Variants in PDE10A observed in about 807,000 individuals in gnomAD.
PDE10A encodes the protein cAMP and cAMP-inhibited cGMP 3',5'-cyclic phosphodiesterase 10A.
A neutral mutation model predicts 97.7 loss-of-function variants in PDE10A; 39 were observed. The ratio of observed to expected loss-of-function variants is 0.40; its 90% CI spans 0.31 to 0.52. The LOEUF is 0.52. Ranked by LOEUF, PDE10A falls within the 20% of genes least tolerant of loss-of-function variation. PDE10A has a pLI of 0.56. For missense variants in PDE10A, 731 were observed against 1,047.8 expected, an observed-to-expected ratio of 0.70 and a Z score of 4.17; for synonymous variants, 371 against 376.8, an observed-to-expected ratio of 0.98 and a Z score of 0.18.
chr6:165,674,755 T>G (rs190727577), intron 1 of PDE10A, among the ~76,000 whole-genome samples: 46 of 152,308 alleles, frequency 3.0e-4, no homozygotes, highest in Admixed American at 5.9e-4. Context: ...GGAGGCAGAA[T>G]GTGTACATAG....
chr6:165,661,868 C>A lies in PDE10A; in HGVS notation c.865+79G>T. On this transcript the variant is annotated intron_variant, in intron 1 of 21. Transcript: ENST00000539869. This position sits in a 1 kb window ranked among gnomAD's most constrained non-coding sequence, Gnocchi z 4.8. Reference sequence around the variant, plus strand: ...CCTCGCTCGACACCCGCTTCCCACCCAGCAGTCCAAGCCCCCCACCTGCCC... The same window carrying A: ...CCTCGCTCGACACCCGCTTCCCACCAAGCAGTCCAAGCCCCCCACCTGCCC... 1.4e-6 allele frequency: 1 copy of A among 694,918 alleles called. No individual in the cohort carries two copies. The highest frequency in any genetic ancestry group is 3.2e-5 in the East Asian group (1 of 30,860). The allele number at this position is 694,918 out of a possible 1,614,324, so 43.0% of individuals were successfully genotyped here. A position where few individuals can be genotyped will look rare whatever the true frequency, so the allele number is the denominator to read the frequency against.
intron 1 of PDE10A, among the ~76,000 whole-genome samples, chr6:165,907,953 C>T (rs1047264541): frequency 6.6e-6 from 1 of 152,210 alleles, no homozygotes; most frequent in South Asian, 2.1e-4. Flanking sequence ...AACTACACCT[C>T]GAGCCTTAGG....
At chr6:165,905,402 A>C (rs1295926887) in intron 1 of PDE10A, among the ~76,000 whole-genome samples, 1 of 152,138 alleles carries the variant, frequency 6.6e-6, no homozygotes, top group African/African-American at 2.4e-5. Flanking sequence ...GACCCTTAAA[A>C]ATCTCGATCT....
At chr6:165,987,449 G>A in intron 1 of PDE10A, 2 of 332,880 alleles carry the variant, frequency 6.0e-6, no homozygotes, top group East Asian at 8.2e-5. Context: ...TTAAGTACAC[G>A]CACACACACA....
upstream of PDE10A, among the ~76,000 whole-genome samples, chr6:165,665,693 A>AG (rs1183673702): frequency 6.6e-6 from 1 of 151,942 alleles, no homozygotes; most frequent in Non-Finnish European, 1.5e-5. Flanking sequence ...CACGTTGCAA[A>AG]GAAAAAAAAA....
intron 1 of PDE10A, among the ~76,000 whole-genome samples, chr6:165,558,041 C>T (rs1401046825): frequency 1.3e-5 from 2 of 152,084 alleles, no homozygotes; most frequent in South Asian, 2.1e-4. Flanking sequence ...ACCTATGGAG[C>T]GTGGCAATGC....
chr6:165,446,933 C>CTTTTGAAAGGATTTAGTA (rs1471749674), intron 5 of PDE10A, among the ~76,000 whole-genome samples: 2 of 151,856 alleles, frequency 1.3e-5, no homozygotes, highest in Non-Finnish European at 2.9e-5. Flanking sequence ...GGATATTGTA[C>CTTTTGAAAGGATTTAGTA]CAGTCCTTTA....
chr6:165,721,138 A>T (rs1041443701), intron 1 of PDE10A, among the ~76,000 whole-genome samples: 1 of 152,238 alleles, frequency 6.6e-6, no homozygotes, highest in Non-Finnish European at 1.5e-5. Context: ...CGGTTGTGGT[A>T]TTCAAAAGAT....
chr6:165,688,644 C>G (rs1330567328), intron 1 of PDE10A, among the ~76,000 whole-genome samples: 2 of 152,110 alleles, frequency 1.3e-5, no homozygotes, highest in Admixed American at 6.6e-5. Flanking sequence ...AGAAAGATCT[C>G]CAGGACACAT....
chr6:165,796,090 TC>T, intron 1 of PDE10A, among the ~76,000 whole-genome samples: 2 of 130,116 alleles, frequency 1.5e-5, no homozygotes, highest in African/African-American at 6.0e-5. Flanking sequence ...TTTTTTCTTT[TC>T]TTTTTTTTTT....
intron 1 of PDE10A, among the ~76,000 whole-genome samples, chr6:165,975,146 C>T (rs761094755): frequency 2.6e-5 from 4 of 152,208 alleles, no homozygotes; most frequent in Non-Finnish European, 5.9e-5. Context: ...GCTGATAAAC[C>T]GCCTTTCACT....
chr6:165,784,222 C>CA (rs796915265), intron 1 of PDE10A, among the ~76,000 whole-genome samples: 3,595 of 116,530 alleles, frequency 0.031, 72 homozygotes, highest in African/African-American at 0.061. Context: ...GACTCCATCT[C>CA]AAAAAAAAAA....
At chr6:165,409,497 A>G (rs1039737976) in intron 13 of PDE10A, 4 of 153,034 alleles carry the variant, frequency 2.6e-5, no homozygotes, top group Non-Finnish European at 5.8e-5. Flanking sequence ...CAGTGAGCCA[A>G]GATCACGTAA....
chr6:165,596,539 G>A (rs1786606171), intron 1 of PDE10A, among the ~76,000 whole-genome samples: 1 of 152,096 alleles, frequency 6.6e-6, no homozygotes, highest in South Asian at 2.1e-4. Flanking sequence ...GACCATGCTG[G>A]GCAACATAGC....
chr6:165,585,013 T>G (rs1785826084), intron 1 of PDE10A, among the ~76,000 whole-genome samples: 2 of 152,226 alleles, frequency 1.3e-5, no homozygotes, highest in East Asian at 3.8e-4. Context: ...TATACACATT[T>G]TTAAGCAAGA....
At chr6:165,691,111 C>CCA (rs1791272186) in intron 1 of PDE10A, among the ~76,000 whole-genome samples, 1 of 107,650 alleles carries the variant, frequency 9.3e-6, no homozygotes, top group Non-Finnish European at 2.0e-5. Context: ...CTCTCTCCCC[C>CCA]CCCCCATCAG....
At chr6:165,579,818 G>T (rs916338502) in intron 1 of PDE10A, among the ~76,000 whole-genome samples, 1 of 152,060 alleles carries the variant, frequency 6.6e-6, no homozygotes, top group Non-Finnish European at 1.5e-5. Flanking sequence ...CCACATCCTG[G>T]CCTTTTCCCT....
At chr6:165,982,702 A>G (rs1176162507) in intron 1 of PDE10A, among the ~76,000 whole-genome samples, 1 of 152,210 alleles carries the variant, frequency 6.6e-6, no homozygotes, top group Non-Finnish European at 1.5e-5. Flanking sequence ...GAAGAGAATG[A>G]AAAAAATTTT....
intron 1 of PDE10A, among the ~76,000 whole-genome samples, chr6:165,902,622 T>C (rs1329259185): frequency 6.6e-6 from 1 of 151,138 alleles, no homozygotes; most frequent in Non-Finnish European, 1.5e-5. Context: ...TGTGAGCCCA[T>C]CTAGAGAAGG....
Sources: allele counts gnomAD v4.1 joint callset (sites outside exome capture counted in the v4.1 genomes callset), GRCh38; gene constraint gnomAD v4.1.1; non-coding constraint Gnocchi (gnomAD v3.1); transcripts MANE v1.5; gene names NCBI Gene and HGNC (gene_info 2026-07-23, HGNC 2026-07-21).